The following ZEB1 variants were observed in gnomAD, a reference collection of about 807,000 sequenced individuals.
ZEB1 encodes zinc finger E-box-binding homeobox 1.
Under a neutral mutation model 84.9 loss-of-function variants are expected in ZEB1, and 21 were observed. The ratio of observed to expected loss-of-function variants is 0.25; its 90% CI spans 0.18 to 0.36. The LOEUF (loss-of-function observed/expected upper bound fraction) is 0.36, where lower values mean the gene tolerates loss of function less well. Ranked by LOEUF, ZEB1 falls within the 10% of genes least tolerant of loss-of-function variation. The pLI is 1.00. For synonymous variants in ZEB1, 420 were observed against 471.1 expected, an observed-to-expected ratio of 0.89 and a Z score of 1.41; for missense variants, 1,104 against 1,330.2, an observed-to-expected ratio of 0.83 and a Z score of 2.65.
rs768381015 is a variant in ZEB1 at position 31,514,623 on chromosome 10, G to T, written c.708G>T (p.Gly236=). Reference sequence around the variant, plus strand: ...TACAGAGACATGTGACGCAGTCTGGGTGTAATCGTAAATTCAAATGCACTG... The same window carrying T: ...TACAGAGACATGTGACGCAGTCTGGTTGTAATCGTAAATTCAAATGCACTG... ...GRDQRHVTQS[G]CNRKFKCTEC... The change falls in exon 6 of 9, where the codon GGG becomes GGT. Residue 236 remains glycine, a synonymous_variant. Coordinates refer to ENST00000424869, the MANE Select transcript of ZEB1 (RefSeq NM_001174096.2). 1.4e-5 allele frequency: 22 copies of T among 1,612,504 alleles called. No individual in the cohort carries two copies. In the Admixed American group the frequency reaches 3.5e-4, roughly 26 times the overall value.
At chr10:31,444,681 C>G (rs1217008891) in intron 1 of ZEB1, among the ~76,000 whole-genome samples, 2 of 152,032 alleles carry the variant, frequency 1.3e-5, no homozygotes, top group African/African-American at 4.8e-5. Context: ...ATCCTTTCCC[C>G]ATTGCTTGTT....
intron 1 of ZEB1, among the ~76,000 whole-genome samples, chr10:31,338,153 AG>A (rs1345608670): frequency 1.3e-5 from 2 of 152,182 alleles, no homozygotes; most frequent in Non-Finnish European, 2.9e-5. Flanking sequence ...AGTTTGAGAA[AG>A]GTATTACCTT....
At chr10:31,509,216 C>G (rs528854754) in intron 4 of ZEB1, among the ~76,000 whole-genome samples, 32 of 152,250 alleles carry the variant, frequency 2.1e-4, no homozygotes, top group Middle Eastern at 3.4e-3. Context: ...AGCATAAGCT[C>G]CCTCTCCGGA....
chr10:31,321,120 C>T (rs1564449025), intron 1 of ZEB1: 3 of 1,023,316 alleles, frequency 2.9e-6, no homozygotes, highest in African/African-American at 1.7e-5. Flanking sequence ...CCCCACCCCC[C>T]GCGCCTGGGC....
chr10:31,392,179 A>G (rs1036678545), intron 1 of ZEB1, among the ~76,000 whole-genome samples: 2 of 152,162 alleles, frequency 1.3e-5, no homozygotes, highest in Non-Finnish European at 2.9e-5. Context: ...TAACATTAAA[A>G]TGGCCTTCCA....
intron 1 of ZEB1, among the ~76,000 whole-genome samples, chr10:31,332,820 T>C (rs2037085634): frequency 6.6e-6 from 1 of 152,192 alleles, no homozygotes; most frequent in Non-Finnish European, 1.5e-5. Context: ...TTTCTAAACA[T>C]TTCACATGTG....
Position 31,526,918 on chromosome 10 carries a change from A to T in ZEB1, c.3032A>T (p.His1011Leu). ...GGGCCTGAAATCCTCTCGAATGAGC[A>T]CGTGGGTGCCAGGGCGTCTCCCTCA... ...EAGPEILSNE[H>L]VGARASPSQG... Residue 1011 changes from histidine to leucine, a missense_variant, in exon 9 of 9, where the codon CAC becomes CTC. Physicochemically the swap from His to Leu is moderately conservative, Grantham distance 99. Around this residue, in one of 7 missense-constraint regions of ZEB1, gnomAD observed 173 missense variants for 167.0 expected, o/e 1.04. Coordinates refer to ENST00000424869, the MANE Select transcript of ZEB1 (RefSeq NM_001174096.2). 6.2e-7 allele frequency: 1 copy of T among 1,614,166 alleles called. No homozygotes were observed. The highest frequency in any genetic ancestry group is 1.1e-5 in the South Asian group (1 of 91,088).
Position 31,520,830 on chromosome 10 carries a change from G to C in ZEB1, c.1498G>C (p.Ala500Pro). The change falls in exon 7 of 9, where the codon GCT becomes CCT. Residue 500 changes from alanine (A) to proline (P), a missense_variant. Physicochemically the swap from Ala to Pro is conservative, Grantham distance 27. Around this residue, in one of 7 missense-constraint regions of ZEB1, gnomAD observed 531 missense variants for 575.2 expected, o/e 0.92. Coordinates refer to ENST00000424869, the MANE Select transcript of ZEB1 (RefSeq NM_001174096.2). This position sits in a 1 kb window ranked among gnomAD's most constrained non-coding sequence, Gnocchi z 5.1. Reference sequence around the variant, plus strand: ...AAATTTAAAAAAAGAAAATCCAGTCGCTACAAACAGTTGTAAAAGTGAAAA... The same window carrying C: ...AAATTTAAAAAAAGAAAATCCAGTCCCTACAAACAGTTGTAAAAGTGAAAA... ...PQNLKKENPVATNSCKSEKLP... is the reference protein window; with the variant it reads ...PQNLKKENPVPTNSCKSEKLP... 1.2e-6 allele frequency: 2 copies of C among 1,613,948 alleles called. No homozygotes were observed. The highest frequency in any genetic ancestry group is 1.7e-6 in the Non-Finnish European group (2 of 1,179,966).
intron 1 of ZEB1, among the ~76,000 whole-genome samples, chr10:31,412,019 T>C (rs1245988447): frequency 6.6e-6 from 1 of 152,158 alleles, no homozygotes; most frequent in African/African-American, 2.4e-5. Flanking sequence ...CCACCTGATA[T>C]AGACTAAAAC....
intron 2 of ZEB1, among the ~76,000 whole-genome samples, chr10:31,479,488 A>G (rs193064028): frequency 1.3e-4 from 20 of 152,076 alleles, no homozygotes; most frequent in Admixed American, 2.6e-4. Flanking sequence ...GGTAAATGCA[A>G]AAATCCTCAA....
chr10:31,502,636 A>G (rs944179686), intron 4 of ZEB1, 127 bp downstream of exon 4: 3 of 1,096,862 alleles, frequency 2.7e-6, no homozygotes, highest in African/African-American at 1.6e-5. Flanking sequence ...ACAGGTGCCT[A>G]TAGAGAGTAA....
intron 1 of ZEB1, among the ~76,000 whole-genome samples, chr10:31,327,069 C>G (rs115282327): frequency 1.4e-5 from 2 of 139,670 alleles, no homozygotes; most frequent in Non-Finnish European, 3.2e-5. Flanking sequence ...CTACTTTGCT[C>G]TATCATTTAC....
chr10:31,342,058 T>G (rs984665385), intron 1 of ZEB1, among the ~76,000 whole-genome samples: 1 of 152,198 alleles, frequency 6.6e-6, no homozygotes, highest in Non-Finnish European at 1.5e-5. Flanking sequence ...TTTACGTATA[T>G]TAACTCTTAA....
chr10:31,391,455 T>C (rs1213262388), intron 1 of ZEB1, among the ~76,000 whole-genome samples: 10 of 152,214 alleles, frequency 6.6e-5, no homozygotes, highest in Non-Finnish European at 1.0e-4. Flanking sequence ...GGGAGACAAT[T>C]TACTGTCATT....
At chr10:31,473,587 A>G (rs1268444231) in intron 2 of ZEB1, among the ~76,000 whole-genome samples, 1 of 150,606 alleles carries the variant, frequency 6.6e-6, no homozygotes, top group Non-Finnish European at 1.5e-5. Flanking sequence ...AGAACATTCC[A>G]TGCTCATGGC....
At chr10:31,491,627 T>C (rs565911672) in intron 2 of ZEB1, among the ~76,000 whole-genome samples, 1 of 151,932 alleles carries the variant, frequency 6.6e-6, no homozygotes, top group Non-Finnish European at 1.5e-5. Context: ...TCTTGTCATG[T>C]CATCTTCTCC....
intron 1 of ZEB1, among the ~76,000 whole-genome samples, chr10:31,447,714 C>A (rs372655001): frequency 3.0e-4 from 46 of 151,794 alleles, no homozygotes; most frequent in Admixed American, 1.0e-3. Flanking sequence ...GTTGAAAATT[C>A]TTTTCTTTAA....
At chr10:31,444,547 G>T (rs1207917828) in intron 1 of ZEB1, among the ~76,000 whole-genome samples, 2 of 151,230 alleles carry the variant, frequency 1.3e-5, no homozygotes, top group Non-Finnish European at 3.0e-5. Context: ...ATGGTTTTAG[G>T]TCTAAAGTTT....
chr10:31,518,134 A>G (rs2071518421), intron 6 of ZEB1, among the ~76,000 whole-genome samples: 1 of 152,226 alleles, frequency 6.6e-6, no homozygotes, highest in Admixed American at 6.5e-5. Flanking sequence ...AAGTGTTAAA[A>G]TAGAGATGTA....
Sources: gnomAD v4.1 joint callset for allele counts (sites outside exome capture counted in the v4.1 genomes callset) on GRCh38, gnomAD v4.1.1 for gene constraint, gnomAD v4.1.1 regional missense constraint, Gnocchi (gnomAD v3.1) non-coding constraint, MANE v1.5 for transcripts, NCBI Gene and HGNC (gene_info 2026-07-23, HGNC 2026-07-21) for gene names.